Variants in USP54 observed in about 807,000 individuals in gnomAD.
The protein encoded by USP54 is ubiquitin carboxyl-terminal hydrolase 54.
Under a neutral mutation model 170.5 loss-of-function variants are expected in USP54, and 87 were observed. That is an observed-to-expected ratio of 0.51 (90% confidence interval 0.43 to 0.61). The LOEUF (loss-of-function observed/expected upper bound fraction) is 0.61. Among genes scored for constraint, USP54 ranks in the 20% least tolerant of loss-of-function variants. The pLI, the probability that USP54 is intolerant of heterozygous loss-of-function variation, is 0.00. For synonymous variants in USP54, 655 were observed against 742.8 expected (o/e 0.88, Z 1.92); for missense variants, 1,786 against 2,047.8 (o/e 0.87, Z 2.47).
chr10:73,543,283 T>G, intron 5 of USP54, 152 bp from the exon 6 acceptor site: 1 of 608,282 alleles, frequency 1.6e-6, no homozygotes, highest in South Asian at 2.2e-5. Context: ...AATTATAAAT[T>G]CATAGCAAGT....
intron 3 of USP54, among the ~76,000 whole-genome samples, chr10:73,571,842 C>T (rs1331852305): frequency 6.6e-6 from 1 of 152,066 alleles, no homozygotes; most frequent in Non-Finnish European, 1.5e-5. Context: ...ATTATCCACA[C>T]AAGAAAAGCA....
rs574010308 is a variant in USP54 at position 73,583,121 on chromosome 10, G to T, written c.-581-6760C>A. Reference sequence around the variant, plus strand: ...ATATTGATCAATACTCTACAAAAATGTCAAGGTTATAAAAGACAAAGAAAG... The same window carrying T: ...ATATTGATCAATACTCTACAAAAATTTCAAGGTTATAAAAGACAAAGAAAG... On this transcript the variant is annotated intron_variant, in intron 1 of 23. Coordinates refer to ENST00000687698, the MANE Select transcript of USP54 (RefSeq NM_001391956.1). Among the ~76,000 whole-genome samples the T allele has an allele frequency of 2.6e-5, 4 of 152,206 alleles. No individual in the cohort carries two copies. In the East Asian group the frequency reaches 7.7e-4, roughly 29 times the overall value.
intron 1 of USP54, among the ~76,000 whole-genome samples, chr10:73,604,370 T>C (rs952940065): frequency 6.6e-6 from 1 of 152,146 alleles, no homozygotes; most frequent in Non-Finnish European, 1.5e-5. Context: ...TGAAAATTAG[T>C]ATGATAGTTC....
intron 1 of USP54, among the ~76,000 whole-genome samples, chr10:73,606,006 T>A (rs2079589870): frequency 6.6e-6 from 1 of 151,712 alleles, no homozygotes; most frequent in African/African-American, 2.4e-5. Context: ...GGTGAAACCC[T>A]GTCTTTACTA....
intron 20 of USP54, among the ~76,000 whole-genome samples, chr10:73,511,180 C>T (rs1589880960): frequency 6.8e-6 from 1 of 147,672 alleles, no homozygotes; most frequent in Admixed American, 7.0e-5. Context: ...CTCACTGCAA[C>T]CTCTGCCTCC....
intron 1 of USP54, among the ~76,000 whole-genome samples, chr10:73,620,115 C>T (rs914730160): frequency 2.7e-5 from 4 of 149,990 alleles, no homozygotes; most frequent in Non-Finnish European, 5.9e-5. Context: ...GAGTTCCAGA[C>T]GAGCCTGACC....
intron 3 of USP54, among the ~76,000 whole-genome samples, chr10:73,573,264 C>T (rs1461941537): frequency 6.6e-6 from 1 of 151,964 alleles, no homozygotes; most frequent in East Asian, 1.9e-4. Flanking sequence ...GTACTCTAGC[C>T]TTGGCAACAG....
intron 1 of USP54, among the ~76,000 whole-genome samples, chr10:73,615,754 C>A (rs2080573043): frequency 6.7e-6 from 1 of 149,256 alleles, no homozygotes; most frequent in Admixed American, 6.6e-5. Flanking sequence ...AACCCTTTTT[C>A]TATAAAAAAT....
In USP54 at chr10:73,504,943, C is replaced by T; in HGVS notation, c.4218G>A (p.Gln1406=). The change falls in exon 22 of 24, where the codon CAG becomes CAA. Residue 1406 remains glutamine, a synonymous_variant. Transcript: ENST00000687698. ...TGCGACGTAAATTCTCTGCACTGTACTGCTCATCCTCCCCACACTCCCTGC... is the reference window on the plus strand; with the variant it reads ...TGCGACGTAAATTCTCTGCACTGTATTGCTCATCCTCCCCACACTCCCTGC... The part of the protein sequence containing the change: ...GLSRECGEDE[Q]YSAENLRRIS... 1 of 1,614,184 alleles carries T rather than the reference C, an allele frequency of 6.2e-7. No homozygotes were observed. The highest frequency in any genetic ancestry group is 8.5e-7 in the Non-Finnish European group (1 of 1,180,034).
intron 9 of USP54, among the ~76,000 whole-genome samples, chr10:73,539,842 T>A (rs1156508406): frequency 1.3e-5 from 2 of 152,142 alleles, no homozygotes; most frequent in Non-Finnish European, 2.9e-5. Context: ...ACCCTATCTT[T>A]AGGCCCAGTG....
intron 4 of USP54, among the ~76,000 whole-genome samples, chr10:73,553,728 T>A (rs1307322914): frequency 6.6e-6 from 1 of 152,224 alleles, no homozygotes; most frequent in Non-Finnish European, 1.5e-5. Context: ...TGGTTCCATT[T>A]CAACAAGTAG....
rs1471052932 is a variant in USP54 at position 73,519,843 on chromosome 10, A to G, written c.2632T>C (p.Ser878Pro). The change falls in exon 19 of 24, where the codon TCA becomes CCA. Residue 878 changes from serine (S) to proline (P), a missense_variant. By Grantham distance (74) the Ser-to-Pro change is moderately conservative. Transcript: ENST00000687698. Reference sequence around the variant, plus strand: ...CCCGCCTGTGTTGGGAGGCAGGCTGAGGGCTGCGACGGCTGCTGTGGTGAT... The same window carrying G: ...CCCGCCTGTGTTGGGAGGCAGGCTGGGGGCTGCGACGGCTGCTGTGGTGAT... ...QQSPQQPSQP[S>P]ACLPTQAGTL... is the part of the protein sequence containing the mutation. 3 of 1,613,988 alleles carry G rather than the reference A, an allele frequency of 1.9e-6. No individual in the cohort carries two copies.
chr10:73,571,568 T>G, intron 3 of USP54, 55 bp from the exon 4 acceptor site: 1 of 1,442,360 alleles, frequency 6.9e-7, no homozygotes, highest in Non-Finnish European at 9.7e-7. Flanking sequence ...CATTTAATTT[T>G]AAAGTAAAGA....
chr10:73,499,281 T>C, intron 23 of USP54, 93 bp from the exon 24 acceptor site: 1 of 1,254,304 alleles, frequency 8.0e-7, no homozygotes, highest in Non-Finnish European at 1.1e-6. Context: ...CCCAATTCCC[T>C]ACTCCTCCAA....
rs748639660 is a variant in USP54, at chr10:73,575,563, G to C, written c.96C>G (p.Gly32=). The C allele has an allele frequency of 3.1e-6, 5 of 1,614,022 alleles. No individual in the cohort carries two copies. In the East Asian group the frequency reaches 8.9e-5, roughly 29 times the overall value. Residue 32 remains glycine (G), a synonymous_variant, in exon 3 of 24, where the codon GGC becomes GGG. Transcript: ENST00000687698. ...TGTTTTGCCCTGGCTCATTGCTGAG[G>C]CCTTTGCTGGGGGCTATGGAGGTTG... ...RSSTSIAPSK[G]LSNEPGQNSC...
At position 73,571,418 on chromosome 10, in the gene USP54, T is replaced by C. The variant is rs1478258061; in HGVS notation, c.240+3A>G. 1 of 1,612,766 alleles carries C rather than the reference T, an allele frequency of 6.2e-7. No homozygotes were observed. The highest frequency in any genetic ancestry group is 8.5e-7 in the Non-Finnish European group (1 of 1,179,360). The stretch of plus-strand genomic sequence containing the variant: ...TGAGAAGAAACTAATTGGAAGTACT[T>C]ACCTTGAGAGCGCAAAAGATGCAGG... On this transcript the variant is annotated splice_donor_region_variant and intron_variant, in intron 4 of 23. Coordinates refer to ENST00000687698, the MANE Select transcript of USP54 (RefSeq NM_001391956.1).
chr10:73,526,466 C>T (rs1349453814), intron 16 of USP54, among the ~76,000 whole-genome samples, 181 bp downstream of exon 16: 3 of 152,100 alleles, frequency 2.0e-5, no homozygotes, highest in African/African-American at 4.8e-5. Flanking sequence ...AGGCTGGTCA[C>T]GAACTCCTGA....
At chr10:73,552,910 T>C (rs2069905507) in intron 4 of USP54, among the ~76,000 whole-genome samples, 1 of 152,244 alleles carries the variant, frequency 6.6e-6, no homozygotes, top group African/African-American at 2.4e-5. Flanking sequence ...TTCACGTTGC[T>C]AAAGAGCCTG....
At chr10:73,514,498 G>A (rs1336331874) in intron 20 of USP54, among the ~76,000 whole-genome samples, 2 of 151,760 alleles carry the variant, frequency 1.3e-5, no homozygotes, top group Non-Finnish European at 2.9e-5. Context: ...AGGAGGCAGA[G>A]GTTGCAGTGA....
Sources: gnomAD v4.1 joint callset for allele counts (sites outside exome capture counted in the v4.1 genomes callset) on GRCh38, gnomAD v4.1.1 for gene constraint, MANE v1.5 for transcripts, NCBI Gene and HGNC (gene_info 2026-07-23, HGNC 2026-07-21) for gene names.